Variants in SLC44A5 observed in about 807,000 individuals in gnomAD.
SLC44A5 encodes the protein solute carrier family 44 member 5, also known as choline transporter-like protein 5.
SLC44A5 carries 57 observed loss-of-function variants against 101.8 expected under a neutral mutation model. The observed-to-expected ratio is 0.56, with a 90% CI of 0.45 to 0.70. SLC44A5 has a LOEUF of 0.70. Among genes scored for constraint, SLC44A5 ranks in the 30% least tolerant of loss-of-function variants. SLC44A5 has a pLI of 0.00. For synonymous variants in SLC44A5, 281 were observed against 290.9 expected (o/e 0.97, Z 0.35); for missense variants, 737 against 853.1 (o/e 0.86, Z 1.70).
chr1:75,338,555 A>C (rs1465897549), intron 4 of SLC44A5, among the ~76,000 whole-genome samples: 1 of 152,206 alleles, frequency 6.6e-6, no homozygotes, highest in African/African-American at 2.4e-5. Context: ...AAAAGTAGCC[A>C]CTACACTGAA....
chr1:75,409,780 T>C lies in SLC44A5; in HGVS notation c.14-13159A>G, dbSNP rs147462081. On this transcript the variant is annotated intron_variant, in intron 2 of 23. Coordinates refer to ENST00000370859, the MANE Select transcript of SLC44A5 (RefSeq NM_001130058.2). ...AACACAATGCTACTACAGATGGTCA[T>C]TGATAATTATGTAGGGCAGGAGTCT... Among the ~76,000 whole-genome samples, 241 of 152,198 alleles carry C rather than the reference T, an allele frequency of 1.6e-3. 1 individual carries two copies. Among genetic ancestry groups the C allele is most frequent in the African/African-American group, 5.3e-3 (220 of 41,520 alleles).
upstream of SLC44A5, among the ~76,000 whole-genome samples, chr1:75,614,154 A>G (rs1029725271): frequency 2.0e-5 from 3 of 152,252 alleles, no homozygotes; most frequent in Non-Finnish European, 4.4e-5. Flanking sequence ...GGAGCGAACC[A>G]AAAGTGTAGC....
chr1:75,684,521 G>A, the SLC44A5 span, among the ~76,000 whole-genome samples: 2 of 151,946 alleles, frequency 1.3e-5, no homozygotes, highest in East Asian at 3.9e-4. Context: ...AGCTAAATTG[G>A]AGAAATTGGC....
chr1:75,279,927 G>T (rs905350219), intron 5 of SLC44A5, among the ~76,000 whole-genome samples: 1 of 151,200 alleles, frequency 6.6e-6, no homozygotes, highest in Non-Finnish European at 1.5e-5. Flanking sequence ...TAGAGTCTTC[G>T]AAGTACATTG....
the SLC44A5 span, among the ~76,000 whole-genome samples, chr1:75,711,598 T>C: frequency 6.6e-6 from 1 of 152,140 alleles, no homozygotes; most frequent in East Asian, 1.9e-4. Flanking sequence ...ATACCAAAGT[T>C]TGGGTACAGT....
chr1:75,475,241 A>G (rs1667318254), intron 2 of SLC44A5, among the ~76,000 whole-genome samples: 1 of 152,226 alleles, frequency 6.6e-6, no homozygotes, highest in African/African-American at 2.4e-5. Context: ...TGTCCTTCCA[A>G]TATCATTTGA....
At chr1:75,205,205 T>C (rs1646729719) in intron 23 of SLC44A5, 1 of 152,182 alleles carries the variant, frequency 6.6e-6, no homozygotes, top group African/African-American at 2.4e-5. Flanking sequence ...AGTTTAAATC[T>C]AGGTGTCTAC....
chr1:75,635,413 T>C, the SLC44A5 span, among the ~76,000 whole-genome samples: 2 of 151,948 alleles, frequency 1.3e-5, no homozygotes, highest in African/African-American at 4.8e-5. Flanking sequence ...TCAACCCAAA[T>C]GTCCAACAAT....
intron 10 of SLC44A5, among the ~76,000 whole-genome samples, chr1:75,238,074 C>A (rs1376946437): frequency 6.6e-6 from 1 of 151,704 alleles, no homozygotes; most frequent in Non-Finnish European, 1.5e-5. Context: ...CAATACATTT[C>A]TTTATGTCAC....
intron 6 of SLC44A5, among the ~76,000 whole-genome samples, chr1:75,259,469 AAGATTAGAGAAAAAAG>A (rs1453938354): frequency 6.6e-6 from 1 of 152,182 alleles, no homozygotes; most frequent in Non-Finnish European, 1.5e-5. Context: ...GTGAGAAGAC[AAGATTAGAGAAAAAAG>A]AGTGAAGAGA....
intron 2 of SLC44A5, among the ~76,000 whole-genome samples, chr1:75,523,796 A>C (rs1166899652): frequency 6.6e-6 from 1 of 152,184 alleles, no homozygotes; most frequent in Non-Finnish European, 1.5e-5. Flanking sequence ...GCTACGCCGG[A>C]GAGTGGCAAT....
In SLC44A5 at chr1:75,234,467, A is replaced by G. The variant is rs547980536; in HGVS notation, c.741-369T>C. On this transcript the variant is annotated intron_variant, in intron 11 of 23. Transcript: ENST00000370859. ...TATCTACTAGGTCATAAATTGTGAAATGTATTCATGATGAATTTGTTCTGT... is the reference window on the plus strand; with the variant it reads ...TATCTACTAGGTCATAAATTGTGAAGTGTATTCATGATGAATTTGTTCTGT... 1.7e-4 allele frequency among the ~76,000 whole-genome samples: 26 copies of G among 152,168 alleles called. No homozygotes were observed. The South Asian group carries it at 1.9e-3, about 11-fold the overall frequency.
intron 4 of SLC44A5, among the ~76,000 whole-genome samples, chr1:75,326,084 C>T (rs1239448924): frequency 3.2e-5 from 4 of 124,606 alleles, no homozygotes; most frequent in African/African-American, 1.3e-4. Context: ...TAGTGATGTG[C>T]TCTCTCTCTC....
intron 6 of SLC44A5, among the ~76,000 whole-genome samples, chr1:75,263,801 T>TA (rs1368727307): frequency 6.6e-6 from 1 of 151,944 alleles, no homozygotes; most frequent in Non-Finnish European, 1.5e-5. Flanking sequence ...TATGCAGCCA[T>TA]AAAAAAGGAT....
At chr1:75,680,825 T>C in the SLC44A5 span, among the ~76,000 whole-genome samples, 3 of 139,610 alleles carry the variant, frequency 2.1e-5, no homozygotes, top group Non-Finnish European at 4.9e-5. Context: ...ATCCAGGAGC[T>C]GGTTTTTTGA....
At chr1:75,520,060 T>C (rs945769385) in intron 2 of SLC44A5, among the ~76,000 whole-genome samples, 9 of 152,258 alleles carry the variant, frequency 5.9e-5, no homozygotes, top group Non-Finnish European at 5.9e-5. Flanking sequence ...TTTATCACAC[T>C]CTGAACTGAC....
chr1:75,240,964 G>A lies in SLC44A5; in HGVS notation c.532+1037C>T, dbSNP rs1288205292. On this transcript the variant is annotated intron_variant, in intron 9 of 23. Transcript: ENST00000370859. ...ATTTATACATGTTTATCATTATAAG[G>A]ATAGTAACAGTTTGAATTTTATTTA... is the stretch of plus-strand genomic sequence containing the variant. Among the ~76,000 whole-genome samples the A allele has an allele frequency of 2.0e-5, 3 of 152,018 alleles. No homozygotes were observed. The East Asian group carries it at 5.8e-4, about 29-fold the overall frequency.
At chr1:75,467,144 A>T (rs1045726393) in intron 2 of SLC44A5, among the ~76,000 whole-genome samples, 3 of 152,150 alleles carry the variant, frequency 2.0e-5, no homozygotes, top group Non-Finnish European at 4.4e-5. Flanking sequence ...GACCTCTATA[A>T]TGAAAACTAT....
chr1:75,670,208 G>C, the SLC44A5 span, among the ~76,000 whole-genome samples: 4 of 151,904 alleles, frequency 2.6e-5, no homozygotes, highest in Non-Finnish European at 5.9e-5. Flanking sequence ...AACTCTAAAG[G>C]ACAAAGGAAA....
Sources: allele counts gnomAD v4.1 joint callset (sites outside exome capture counted in the v4.1 genomes callset), GRCh38; gene constraint gnomAD v4.1.1; transcripts MANE v1.5; gene names NCBI Gene and HGNC (gene_info 2026-07-23, HGNC 2026-07-21).